The following CIMIP1 variants were observed in gnomAD, a reference collection of about 807,000 sequenced individuals.
The protein encoded by CIMIP1 is low in lung cancer 1.
chr20:58,153,705 C>A, the CIMIP1 span: 2 of 1,090,534 alleles, frequency 1.8e-6, no homozygotes, highest in South Asian at 1.3e-5. Flanking sequence ...CTATCACTTG[C>A]AAGAATAAAA....
chr20:58,154,811 T>A, the CIMIP1 span, among the ~76,000 whole-genome samples: 5 of 152,176 alleles, frequency 3.3e-5, no homozygotes, highest in African/African-American at 4.8e-5. Flanking sequence ...TTTGTTAGTT[T>A]GTTTGTTGTT....
chr20:58,155,573 T>C, the CIMIP1 span: 1 of 1,609,072 alleles, frequency 6.2e-7, no homozygotes, highest in Non-Finnish European at 8.5e-7. Flanking sequence ...CATCAAGGTT[T>C]GAAACGTTTT....
chr20:58,153,914 C>T, the CIMIP1 span, among the ~76,000 whole-genome samples: 93 of 152,292 alleles, frequency 6.1e-4, no homozygotes, highest in African/African-American at 2.0e-3. Context: ...AATTGAGCTC[C>T]AAGACCTGCA....
At chr20:58,151,009 C>T in the CIMIP1 span, 22 of 1,608,868 alleles carry the variant, frequency 1.4e-5, no homozygotes, top group Admixed American at 5.0e-5. Flanking sequence ...AACGCATGAA[C>T]CTTGTGGGTC....
the CIMIP1 span, chr20:58,155,511 T>C: frequency 1.2e-6 from 2 of 1,614,140 alleles, no homozygotes; most frequent in Middle Eastern, 3.3e-4. Context: ...AAGCCCAAAA[T>C]CGAGCTTCCT....
At chr20:58,152,833 G>A in the CIMIP1 span, among the ~76,000 whole-genome samples, 1 of 150,710 alleles carries the variant, frequency 6.6e-6, no homozygotes, top group Non-Finnish European at 1.5e-5. Flanking sequence ...TGTGGCTTAT[G>A]TTACATCTTG....
the CIMIP1 span, among the ~76,000 whole-genome samples, chr20:58,156,664 C>T: frequency 6.6e-6 from 1 of 152,140 alleles, no homozygotes; most frequent in African/African-American, 2.4e-5. Context: ...CCAGGCCAAA[C>T]CCAGAGAAAA....
At chr20:58,160,831 G>A in the CIMIP1 span, 265 of 1,608,390 alleles carry the variant, frequency 1.6e-4, no homozygotes, top group Non-Finnish European at 1.6e-4. Context: ...GAATCCAGAC[G>A]GAGTTCTGCC....
At chr20:58,152,787 A>T in the CIMIP1 span, among the ~76,000 whole-genome samples, 1 of 151,028 alleles carries the variant, frequency 6.6e-6, no homozygotes, top group East Asian at 1.9e-4. Context: ...TAATGTAGTT[A>T]CTAGAACATT....
the CIMIP1 span, chr20:58,155,593 A>T: frequency 1.4e-5 from 22 of 1,570,102 alleles, no homozygotes; most frequent in Non-Finnish European, 1.8e-5. Context: ...TTAAATACTC[A>T]TTTTTTTAAA....
chr20:58,155,059 G>A, the CIMIP1 span, among the ~76,000 whole-genome samples: 1 of 152,348 alleles, frequency 6.6e-6, no homozygotes. Flanking sequence ...TCCCACCTCG[G>A]CCTCCCAAAG....
At chr20:58,152,289 TC>T in the CIMIP1 span, among the ~76,000 whole-genome samples, 1 of 152,182 alleles carries the variant, frequency 6.6e-6, no homozygotes, top group Non-Finnish European at 1.5e-5. Context: ...AAACTTCTGC[TC>T]ATCCTTCAAG....
At chr20:58,159,621 T>C in the CIMIP1 span, among the ~76,000 whole-genome samples, 1 of 152,160 alleles carries the variant, frequency 6.6e-6, no homozygotes, top group Non-Finnish European at 1.5e-5. Flanking sequence ...GGGTGAAACA[T>C]GATGTCTCAC....
At chr20:58,159,485 A>G in the CIMIP1 span, among the ~76,000 whole-genome samples, 8 of 151,414 alleles carry the variant, frequency 5.3e-5, no homozygotes, top group East Asian at 1.4e-3. Context: ...ATTGCACCCT[A>G]GCCTGGATGA....
chr20:58,151,174 C>A, the CIMIP1 span: 1 of 752,110 alleles, frequency 1.3e-6, no homozygotes, highest in South Asian at 1.8e-5. Context: ...TGAGGATGGT[C>A]AGGGGCCTTG....
At chr20:58,152,896 A>G in the CIMIP1 span, among the ~76,000 whole-genome samples, 1 of 152,172 alleles carries the variant, frequency 6.6e-6, no homozygotes, top group Non-Finnish European at 1.5e-5. Flanking sequence ...AGAGTTGACC[A>G]GGGTCTCCGA....
chr20:58,152,781 G>A, the CIMIP1 span, among the ~76,000 whole-genome samples: 2 of 144,040 alleles, frequency 1.4e-5, no homozygotes, highest in African/African-American at 5.1e-5. Flanking sequence ...TCTTTTTAAT[G>A]TAGTTACTAG....
the CIMIP1 span, among the ~76,000 whole-genome samples, chr20:58,153,194 G>A: frequency 2.0e-5 from 3 of 152,154 alleles, no homozygotes; most frequent in Admixed American, 2.0e-4. Flanking sequence ...CAGGGAGTGA[G>A]TGCCTCCTCC....
chr20:58,156,435 G>A, the CIMIP1 span, among the ~76,000 whole-genome samples: 1 of 152,146 alleles, frequency 6.6e-6, no homozygotes, highest in Non-Finnish European at 1.5e-5. Flanking sequence ...TGCGACAGGA[G>A]CTTGGGTGGA....
Sources: gnomAD v4.1 joint callset for allele counts (sites outside exome capture counted in the v4.1 genomes callset) on GRCh38, gnomAD v4.1.1 for gene constraint, MANE v1.5 for transcripts, NCBI Gene and HGNC (gene_info 2026-07-23, HGNC 2026-07-21) for gene names.